Variants in MYO7B observed in about 807,000 individuals in gnomAD.
MYO7B encodes the protein unconventional myosin-VIIb.
A neutral mutation model predicts 259.7 loss-of-function variants in MYO7B; 212 were observed. The ratio of observed to expected loss-of-function variants is 0.82; its 90% CI spans 0.73 to 0.91. The LOEUF (loss-of-function observed/expected upper bound fraction) is 0.91. MYO7B is among the 40% of genes least tolerant of loss of function. MYO7B has a pLI of 0.00. For missense variants in MYO7B, 2,732 were observed against 2,813.5 expected (o/e 0.97, Z 0.66); for synonymous variants, 1,197 against 1,166.4 (o/e 1.03, Z -0.54).
chr2:127,544,276 A>C (rs1462648420), intron 1 of MYO7B, among the ~76,000 whole-genome samples: 11 of 152,156 alleles, frequency 7.2e-5, no homozygotes, highest in African/African-American at 2.7e-4. Flanking sequence ...AAATAACATT[A>C]TACTATAAAA....
At position 127,634,706 on chromosome 2, in the gene MYO7B, G is replaced by A. The variant is rs557630804; in HGVS notation, c.5713+23G>A. 181 of 1,595,788 alleles carry A rather than the reference G, an allele frequency of 1.1e-4. 1 individual carries two copies. In the South Asian group the frequency reaches 1.9e-3, roughly 17 times the overall value. On this transcript the variant is annotated intron_variant, in intron 42 of 47. Coordinates refer to ENST00000409816, the MANE Select transcript of MYO7B (RefSeq NM_001393586.1). ...AAGGTGAGGAGGCCTCTGTGGAGCT[G>A]GGGGAGGGCGTGGCTGGGTGGGTCG...
intron 43 of MYO7B, 30 bp from the exon 44 acceptor site, chr2:127,635,692 C>A: frequency 6.3e-7 from 1 of 1,576,664 alleles, no homozygotes; most frequent in Non-Finnish European, 8.6e-7. Context: ...CAGCTGGAGA[C>A]CCAGCATGCC....
chr2:127,565,279 AC>A lies in MYO7B; in HGVS notation c.183del (p.Asn62ThrfsTer9). 1 of 1,613,976 alleles carries A rather than the reference AC, an allele frequency of 6.2e-7. No homozygotes were observed. Among genetic ancestry groups the A allele is most frequent in the Non-Finnish European group, 8.5e-7 (1 of 1,179,850 alleles). On this transcript the variant is annotated frameshift_variant, in exon 4 of 48. Transcript: ENST00000409816. LOFTEE classifies it high-confidence loss of function. ...GACTTTGGTGTCCTCAGTCCCATGC[AC>A]CCCAACTCAGTCCAGGGTGTGGACG... ...AEDFGVLSPM[H>X]PNSVQGVDDM...
At chr2:127,617,472 C>T (rs1361284678) in intron 26 of MYO7B, among the ~76,000 whole-genome samples, 1 of 147,134 alleles carries the variant, frequency 6.8e-6, no homozygotes, top group African/African-American at 2.6e-5. Flanking sequence ...ATGCTGCCAG[C>T]AGACTTGTAA....
intron 18 of MYO7B, among the ~76,000 whole-genome samples, chr2:127,595,218 T>C (rs555438487): frequency 3.9e-5 from 6 of 152,324 alleles, no homozygotes; most frequent in African/African-American, 1.2e-4. Flanking sequence ...TGTCCAGGAA[T>C]TCATCCATTT....
chr2:127,572,630 A>T (rs879864797), intron 6 of MYO7B, among the ~76,000 whole-genome samples: 1 of 141,784 alleles, frequency 7.1e-6, no homozygotes, highest in Non-Finnish European at 1.5e-5. Context: ...TTGCATGTTG[A>T]TACTCTATTA....
chr2:127,567,390 A>G (rs766712572), intron 5 of MYO7B, among the ~76,000 whole-genome samples: 4 of 151,962 alleles, frequency 2.6e-5, no homozygotes, highest in Non-Finnish European at 5.9e-5. Context: ...CTCTCAGTTC[A>G]CTAGGGGACC....
At chr2:127,562,055 C>T (rs1269344169) in intron 2 of MYO7B, among the ~76,000 whole-genome samples, 1 of 152,156 alleles carries the variant, frequency 6.6e-6, no homozygotes, top group Non-Finnish European at 1.5e-5. Context: ...GCATGCATCT[C>T]ACTCTGGTGC....
intron 17 of MYO7B, among the ~76,000 whole-genome samples, 169 bp downstream of exon 17, chr2:127,593,115 C>T (rs1288210781): frequency 1.3e-5 from 2 of 152,190 alleles, no homozygotes; most frequent in African/African-American, 4.8e-5. Context: ...TACCCTCTCC[C>T]TCTCCCAGCG....
Position 127,629,685 on chromosome 2 carries a change from G to A in MYO7B, c.4665G>A (p.Leu1555=). The A allele has an allele frequency of 5.0e-6, 8 of 1,612,390 alleles. No homozygotes were observed. Among genetic ancestry groups the A allele is most frequent in the Non-Finnish European group, 6.8e-6 (8 of 1,179,464 alleles). ...TLLAFKKGDL[L]VLTKKQGLLA... ...TGGCCTTCAAGAAGGGGGACCTGTT[G>A]GTCCTCACAAAGAAGCAGGGGCTGC... The change falls in exon 35 of 48, where the codon TTG becomes TTA. Residue 1555 remains leucine (L), a synonymous_variant. Transcript: ENST00000409816.
intron 41 of MYO7B, 69 bp downstream of exon 41, chr2:127,634,358 TG>T: frequency 8.1e-7 from 1 of 1,239,792 alleles, no homozygotes. Context: ...GTGCTGCCTG[TG>T]GGGGCCTCAG....
chr2:127,549,200 T>C (rs957464265), intron 1 of MYO7B, among the ~76,000 whole-genome samples: 1 of 151,238 alleles, frequency 6.6e-6, no homozygotes, highest in African/African-American at 2.4e-5. Flanking sequence ...TTCTTTCTTA[T>C]ACAAAACACT....
At chr2:127,580,915 C>A (rs1054197275) in intron 10 of MYO7B, 93 bp downstream of exon 10, 9 of 1,245,610 alleles carry the variant, frequency 7.2e-6, no homozygotes, top group Non-Finnish European at 1.0e-5. Context: ...ATAACCCTAC[C>A]CAGGCCCCCA....
intron 26 of MYO7B, among the ~76,000 whole-genome samples, chr2:127,617,710 G>A (rs1294497663): frequency 6.7e-6 from 1 of 150,182 alleles, no homozygotes; most frequent in African/African-American, 2.5e-5. Context: ...CACCTTGTTA[G>A]CCAGGATGGT....
intron 1 of MYO7B, among the ~76,000 whole-genome samples, chr2:127,558,543 C>T (rs961686402): frequency 6.6e-6 from 1 of 152,168 alleles, no homozygotes; most frequent in Admixed American, 6.5e-5. Context: ...GATACTTGCA[C>T]GCACATGTTT....
rs1465863631 is a variant in MYO7B, at chr2:127,636,226, G to A, written c.6025G>A (p.Asp2009Asn). The change falls in exon 45 of 48, where the codon GAC (aspartate) becomes AAC (asparagine). Residue 2009 changes from aspartate (D) to asparagine (N), a missense_variant. Coordinates refer to ENST00000409816, the MANE Select transcript of MYO7B (RefSeq NM_001393586.1). This position sits in a 1 kb window ranked among gnomAD's most constrained non-coding sequence, Gnocchi z 4.5. ...EWKKSILLAY[D>N]KHKDKTVEEA... Reference sequence around the variant, plus strand: ...CCCCCAGAGCATCCTTCTAGCCTATGACAAGCATAAGGACAAGACAGTGGA... The same window carrying A: ...CCCCCAGAGCATCCTTCTAGCCTATAACAAGCATAAGGACAAGACAGTGGA... The A allele has an allele frequency of 1.2e-6, 2 of 1,613,182 alleles. No individual in the cohort carries two copies. The highest frequency in any genetic ancestry group is 2.2e-5 in the East Asian group (1 of 44,846).
At chr2:127,631,926 TA>T (rs1681535617) in intron 38 of MYO7B, among the ~76,000 whole-genome samples, 173 bp downstream of exon 38, 1 of 152,202 alleles carries the variant, frequency 6.6e-6, no homozygotes, top group Non-Finnish European at 1.5e-5. Flanking sequence ...GCTGATGTCC[TA>T]GGGGTGGTCA....
chr2:127,604,846 G>C (rs894554835), intron 19 of MYO7B, among the ~76,000 whole-genome samples: 4 of 152,122 alleles, frequency 2.6e-5, no homozygotes, highest in Non-Finnish European at 5.9e-5. Context: ...TGCAGTTTGT[G>C]GTGCCCCAAA....
In MYO7B at chr2:127,635,969, GTGCCA is replaced by G. The variant is rs570222016; in HGVS notation, c.6006+67_6006+71del. The G allele has an allele frequency of 3.4e-3, 5,195 of 1,518,658 alleles. 13 individuals are homozygous for G. The highest frequency in any genetic ancestry group is 4.0e-3 in the Non-Finnish European group (4,537 of 1,127,900). The allele number at this position is 1,518,658 out of a possible 1,614,324, so 94.1% of individuals were successfully genotyped here. On this transcript the variant is annotated intron_variant, in intron 44 of 47. Transcript: ENST00000409816. ...TGCTCCTCCCTGGGCCCCTGCACCAGTGCCATGCCCTGCCTGGGCTCCAAGATCAC... is the reference window on the plus strand; with the variant it reads ...TGCTCCTCCCTGGGCCCCTGCACCAGTGCCCTGCCTGGGCTCCAAGATCAC...
Sources: gnomAD v4.1 joint callset for allele counts (sites outside exome capture counted in the v4.1 genomes callset) on GRCh38, gnomAD v4.1.1 for gene constraint, Gnocchi (gnomAD v3.1) non-coding constraint, MANE v1.5 for transcripts, NCBI Gene and HGNC (gene_info 2026-07-23, HGNC 2026-07-21) for gene names.